Variants in GGH observed in about 807,000 individuals in gnomAD.
GGH encodes the protein gamma-glutamyl hydrolase, also known as gamma-Glu-X carboxypeptidase.
Under a neutral mutation model 39.2 loss-of-function variants are expected in GGH, and 18 were observed. The observed-to-expected ratio is 0.46, with a 90% confidence interval of 0.32 to 0.68. The LOEUF is 0.68. GGH is among the 30% of genes least tolerant of loss of function. The probability of loss-of-function intolerance (pLI) is 0.04; values close to 1 mark genes in which losing one functional copy is unlikely to be tolerated. For synonymous variants in GGH, 147 were observed against 138.8 expected (o/e 1.06, Z -0.42); for missense variants, 367 against 384.1 (o/e 0.96, Z 0.37).
intron 2 of GGH, among the ~76,000 whole-genome samples, chr8:63,034,287 AAC>A (rs1388777294): frequency 6.6e-6 from 1 of 151,984 alleles, no homozygotes; most frequent in African/African-American, 2.4e-5. Flanking sequence ...TTGGTGTAGA[AAC>A]AGTTAATTTA....
At chr8:63,031,757 G>A (rs10957268) in intron 2 of GGH, among the ~76,000 whole-genome samples, 15,270 of 152,156 alleles carry the variant, frequency 0.1, 996 homozygotes, top group East Asian at 0.34. Context: ...GTGCCTAGGG[G>A]CCCTGGCAGA....
rs1275181996 is a variant in GGH at position 63,023,923 on chromosome 8, A to G, written c.681T>C (p.Phe227=). Residue 227 remains phenylalanine, a synonymous_variant, in exon 7 of 9, where the codon TTT becomes TTC. Coordinates refer to ENST00000260118, the MANE Select transcript of GGH (RefSeq NM_003878.3). ...GTGATATACCTTCCATTGTTGAAAT[A>G]AACTCAATCTTGCCATCTGTATTTG... ...LTTNTDGKIE[F]ISTMEGYKYP... The G allele has an allele frequency of 6.3e-7, 1 of 1,578,404 alleles. No individual in the cohort carries two copies. The highest frequency in any genetic ancestry group is 2.2e-5 in the East Asian group (1 of 44,576).
chr8:63,037,539 T>C (rs1255476303), intron 1 of GGH, among the ~76,000 whole-genome samples: 1 of 152,248 alleles, frequency 6.6e-6, no homozygotes, highest in Admixed American at 6.5e-5. Context: ...CTTTTGTGGC[T>C]TGTCATCTTT....
At chr8:63,026,777 T>C (rs1804691103) in intron 4 of GGH, among the ~76,000 whole-genome samples, 1 of 152,066 alleles carries the variant, frequency 6.6e-6, no homozygotes, top group Non-Finnish European at 1.5e-5. Flanking sequence ...ACATGGAGTC[T>C]ATGGTAACTG....
intron 7 of GGH, among the ~76,000 whole-genome samples, chr8:63,022,850 T>C (rs544850443): frequency 1.1e-4 from 17 of 152,272 alleles, no homozygotes; most frequent in African/African-American, 3.6e-4. Flanking sequence ...ATAGCTGAAT[T>C]TGGTTATTTT....
At chr8:63,018,958 G>C (rs1804537717) in intron 7 of GGH, among the ~76,000 whole-genome samples, 1 of 152,136 alleles carries the variant, frequency 6.6e-6, no homozygotes, top group South Asian at 2.1e-4. Context: ...ACAGGATCCA[G>C]TATGAGGCAC....
intron 5 of GGH, 101 bp downstream of exon 5, chr8:63,026,057 G>A: frequency 1.1e-6 from 1 of 942,692 alleles, no homozygotes; most frequent in Non-Finnish European, 1.6e-6. Context: ...CAGGGAAAAG[G>A]CTAAAAAGAA....
chr8:63,035,921 G>C, intron 1 of GGH, 151 bp from the exon 2 acceptor site: 1 of 747,038 alleles, frequency 1.3e-6, no homozygotes, highest in Non-Finnish European at 2.1e-6. Context: ...ATAGCCTATG[G>C]GAAAGCAGCA....
intron 3 of GGH, among the ~76,000 whole-genome samples, chr8:63,028,678 C>T (rs902088524): frequency 2.0e-5 from 3 of 152,124 alleles, no homozygotes; most frequent in Admixed American, 1.3e-4. Context: ...AGAAAAGGGG[C>T]CTACAGGAGC....
intron 2 of GGH, among the ~76,000 whole-genome samples, chr8:63,032,867 C>T (rs1368322174): frequency 6.6e-6 from 1 of 152,176 alleles, no homozygotes; most frequent in Non-Finnish European, 1.5e-5. Context: ...ACTTTCAAAA[C>T]TCCCATGATT....
intron 7 of GGH, among the ~76,000 whole-genome samples, chr8:63,023,198 G>C (rs1044786245): frequency 6.6e-6 from 1 of 152,130 alleles, no homozygotes; most frequent in Non-Finnish European, 1.5e-5. Context: ...ACTTACTTAA[G>C]ATTTGTCCAA....
chr8:63,028,916 T>C (rs960890060), intron 3 of GGH, among the ~76,000 whole-genome samples: 3 of 152,186 alleles, frequency 2.0e-5, no homozygotes, highest in Non-Finnish European at 4.4e-5. Flanking sequence ...GGTTCTACTA[T>C]TATATTCTAG....
chr8:63,019,932 G>A (rs759785540), intron 7 of GGH, among the ~76,000 whole-genome samples: 4 of 152,188 alleles, frequency 2.6e-5, no homozygotes, highest in African/African-American at 7.2e-5. Flanking sequence ...CGCATTTGAC[G>A]TGGTTCAATT....
At chr8:63,022,594 G>A (rs774408764) in intron 7 of GGH, among the ~76,000 whole-genome samples, 10 of 150,246 alleles carry the variant, frequency 6.7e-5, no homozygotes, top group South Asian at 2.1e-4. Flanking sequence ...TTACTCTGTC[G>A]TCCAGGCTGG....
intron 7 of GGH, among the ~76,000 whole-genome samples, chr8:63,021,735 G>A (rs4737625): frequency 0.13 from 18,174 of 143,686 alleles, 1,304 homozygotes; most frequent in East Asian, 0.34. Flanking sequence ...AGTGCAGTGT[G>A]CAATCTCAGC....
chr8:63,015,109 T>A lies in GGH; in HGVS notation c.*223A>T, dbSNP rs542369927. ...ATTTCAGTAAATTTATTTTTTTCAA[T>A]CTTCAGATATAAGAAGGCTTTTCCA... On this transcript the variant is annotated 3_prime_UTR_variant, in exon 9 of 9. Transcript: ENST00000260118. The A allele has an allele frequency of 3.9e-4, 124 of 315,870 alleles. No homozygotes were observed. Among genetic ancestry groups the A allele is most frequent in the Non-Finnish European group, 6.6e-4 (115 of 175,054 alleles). 19.6% of individuals were successfully genotyped at this position (315,870 alleles called of 1,614,324 possible).
chr8:63,026,893 C>A, intron 4 of GGH: 2 of 328,292 alleles, frequency 6.1e-6, no homozygotes, highest in Non-Finnish European at 1.1e-5. Flanking sequence ...AAAAATAGGA[C>A]AGAGAGAGAC....
chr8:63,022,484 C>T (rs1804607286), intron 7 of GGH, among the ~76,000 whole-genome samples: 1 of 138,488 alleles, frequency 7.2e-6, no homozygotes, highest in African/African-American at 2.8e-5. Context: ...TATTCTAGTT[C>T]ATTAATTTCT....
At position 63,034,132 on chromosome 8, in the gene GGH, T is replaced by C. The variant is rs888235852; in HGVS notation, c.224+1524A>G. Among the ~76,000 whole-genome samples, 5 of 151,096 alleles carry C rather than the reference T, an allele frequency of 3.3e-5. No individual in the cohort carries two copies. In the South Asian group the frequency reaches 1.0e-3, roughly 32 times the overall value. ...TTAAAAAGTTTCCCTGATGAAAACT[T>C]TGAAACACTGTTCTGAAGACTCTCT... is the stretch of plus-strand genomic sequence containing the variant. On this transcript the variant is annotated intron_variant, in intron 2 of 8. Coordinates refer to ENST00000260118, the MANE Select transcript of GGH (RefSeq NM_003878.3).
Sources: gnomAD v4.1 joint callset for allele counts (sites outside exome capture counted in the v4.1 genomes callset) on GRCh38, gnomAD v4.1.1 for gene constraint, MANE v1.5 for transcripts, NCBI Gene and HGNC (gene_info 2026-07-23, HGNC 2026-07-21) for gene names.